The following PRDM16 variants were observed in gnomAD, a reference collection of about 807,000 sequenced individuals.
PRDM16 encodes the protein PR/SET domain 16.
Under a neutral mutation model 110.6 loss-of-function variants are expected in PRDM16, and 23 were observed. The ratio of observed to expected loss-of-function variants is 0.21; its 90% CI spans 0.15 to 0.29. PRDM16 has a LOEUF of 0.29. Ranked by LOEUF, PRDM16 falls within the 10% of genes least tolerant of loss-of-function variation. The pLI is 1.00. For missense variants in PRDM16, 1,615 were observed against 1,794.3 expected (o/e 0.90, Z 1.81); for synonymous variants, 799 against 781.8 (o/e 1.02, Z -0.37).
chr1:3,095,561 C>T (rs775503466), intron 1 of PRDM16, among the ~76,000 whole-genome samples: 1 of 152,140 alleles, frequency 6.6e-6, no homozygotes, highest in African/African-American at 2.4e-5. Flanking sequence ...CTGGTCCTCC[C>T]TAGTGCCCCC....
chr1:3,301,765 A>T (rs2455136), intron 3 of PRDM16, among the ~76,000 whole-genome samples: 103,735 of 152,142 alleles, frequency 0.68, 36,779 homozygotes, highest in East Asian at 0.99. Context: ...TCCAGGGTGT[A>T]CCCAGGCACA....
At chr1:3,396,675 C>T (rs1309411969) in intron 5 of PRDM16, 82 bp downstream of exon 5, 3 of 635,606 alleles carry the variant, frequency 4.7e-6, no homozygotes, top group East Asian at 2.7e-5. Context: ...CTGGGAGGAC[C>T]GAGGGCCTCT....
Position 3,435,481 on chromosome 1 carries a change from G to A in PRDM16, c.*1670G>A, listed in dbSNP as rs922234332. ...AATCATATGTTTTTGTTAAATTTGCGTTTCAGTTACATTTGCATTTAAGAC... is the reference window on the plus strand; with the variant it reads ...AATCATATGTTTTTGTTAAATTTGCATTTCAGTTACATTTGCATTTAAGAC... On this transcript the variant is annotated 3_prime_UTR_variant, in exon 17 of 17. Coordinates refer to ENST00000270722, the MANE Select transcript of PRDM16 (RefSeq NM_022114.4). The A allele has an allele frequency of 8.7e-6, 2 of 230,076 alleles. No individual in the cohort carries two copies. The highest frequency in any genetic ancestry group is 6.2e-5 in the East Asian group (1 of 16,216). The allele number at this position is 230,076 out of a possible 1,614,324, so 14.3% of individuals were successfully genotyped here.
intron 3 of PRDM16, among the ~76,000 whole-genome samples, chr1:3,267,582 C>T (rs1272664823): frequency 2.0e-5 from 3 of 152,212 alleles, no homozygotes; most frequent in Non-Finnish European, 1.5e-5. Flanking sequence ...GACTGTTTAC[C>T]ACAGTGGCTA....
rs1043014719 is a variant in PRDM16, at chr1:3,080,077, G to A, written c.37+10781G>A. Among the ~76,000 whole-genome samples the A allele has an allele frequency of 3.9e-5, 6 of 152,228 alleles. No individual in the cohort carries two copies. The highest frequency in any genetic ancestry group is 8.8e-5 in the Non-Finnish European group (6 of 68,040). On this transcript the variant is annotated intron_variant, in intron 1 of 16. Coordinates refer to ENST00000270722, the MANE Select transcript of PRDM16 (RefSeq NM_022114.4). The surrounding 1 kb of genome is among the most constrained non-coding windows in gnomAD (Gnocchi z 5.2). ...GGTGGAGAGGCGGCAGCGATCTGGA[G>A]CACTTTTCCGCACGCTGTAACCCCT... is the stretch of plus-strand genomic sequence containing the variant.
rs575326252 is a variant in PRDM16, at chr1:3,312,023, G to A, written c.438+67886G>A. Among the ~76,000 whole-genome samples the A allele has an allele frequency of 2.0e-5, 3 of 152,328 alleles. No homozygotes were observed. The South Asian group carries it at 6.2e-4, about 32-fold the overall frequency. On this transcript the variant is annotated intron_variant, in intron 3 of 16. Coordinates refer to ENST00000270722, the MANE Select transcript of PRDM16 (RefSeq NM_022114.4). ...AAGCTGCTTGAGAAGGCTCTGGAGT[G>A]TCCAGCCCAGGAGTGCGGCTCATGG...
chr1:3,131,535 C>A (rs1643334999), intron 1 of PRDM16, among the ~76,000 whole-genome samples: 1 of 151,618 alleles, frequency 6.6e-6, no homozygotes, highest in South Asian at 2.1e-4. Flanking sequence ...TAAAAAAAAT[C>A]AAGTGGACAT....
intron 1 of PRDM16, among the ~76,000 whole-genome samples, chr1:3,120,511 C>A (rs915820320): frequency 1.3e-5 from 2 of 152,220 alleles, no homozygotes; most frequent in African/African-American, 4.8e-5. Context: ...TTCTTTTTAG[C>A]TACCCCAGAG....
rs1408192904 is a variant in PRDM16, at chr1:3,300,507, A to C, written c.438+56370A>C. ...GGTGGCTCTGCCCTGGTTGAAGATG[A>C]TGTGCTGTGGCCGTGATGTTTCCGA... On this transcript the variant is annotated intron_variant, in intron 3 of 16. Coordinates refer to ENST00000270722, the MANE Select transcript of PRDM16 (RefSeq NM_022114.4). Among the ~76,000 whole-genome samples, 79 of 137,128 alleles carry C rather than the reference A, an allele frequency of 5.8e-4. 1 individual carries two copies. The highest frequency in any genetic ancestry group is 4.8e-3 in the Middle Eastern group (1 of 210). 90.0% of individuals were successfully genotyped at this position (137,128 alleles called of 152,430 possible). A position where few individuals can be genotyped will look rare whatever the true frequency, so the allele number is the denominator to read the frequency against.
At chr1:3,202,051 A>G (rs2100829740) in intron 2 of PRDM16, among the ~76,000 whole-genome samples, 1 of 152,240 alleles carries the variant, frequency 6.6e-6, no homozygotes, top group African/African-American at 2.4e-5. Context: ...TGAGGTTAGG[A>G]GGGCTTTCCA....
chr1:3,344,709 TC>T (rs1258964875), intron 3 of PRDM16, among the ~76,000 whole-genome samples: 3 of 152,256 alleles, frequency 2.0e-5, no homozygotes, highest in Non-Finnish European at 4.4e-5. Context: ...CACTAGGTGC[TC>T]ACCCTGAGTT....
chr1:3,171,320 C>A (rs1416228181), intron 1 of PRDM16, among the ~76,000 whole-genome samples: 1 of 152,234 alleles, frequency 6.6e-6, no homozygotes, highest in Non-Finnish European at 1.5e-5. Flanking sequence ...GCTGTCCGGG[C>A]AGAGCCAGGG....
intron 1 of PRDM16, among the ~76,000 whole-genome samples, chr1:3,139,800 A>G (rs995737014): frequency 6.6e-6 from 1 of 152,248 alleles, no homozygotes; most frequent in African/African-American, 2.4e-5. Flanking sequence ...AAGGAGCTCC[A>G]GGCTGAGAGT....
Position 3,425,710 on chromosome 1 carries a change from G to A in PRDM16, c.3069G>A (p.Leu1023=). The A allele has an allele frequency of 1.2e-6, 2 of 1,613,836 alleles. No homozygotes were observed. Among genetic ancestry groups the A allele is most frequent in the Non-Finnish European group, 1.7e-6 (2 of 1,179,942 alleles). Residue 1023 remains leucine (L), a synonymous_variant, in exon 13 of 17, where the codon CTG becomes CTA. Transcript: ENST00000270722. The surrounding 1 kb of genome is among the most constrained non-coding windows in gnomAD (Gnocchi z 6.9). ...CNRCFGQQTN[L]DRHLKKHEHE... is the part of the protein sequence containing the mutation. ...GCTGCTTCGGGCAGCAGACCAACCT[G>A]GACCGGCACCTCAAGAAGCACGAGC...
chr1:3,418,222 C>A (rs541065773), intron 11 of PRDM16, among the ~76,000 whole-genome samples: 2 of 152,356 alleles, frequency 1.3e-5, no homozygotes, highest in East Asian at 3.9e-4. Flanking sequence ...CAAGAATATG[C>A]AACCTCAGCC....
intron 1 of PRDM16, among the ~76,000 whole-genome samples, chr1:3,160,448 C>T (rs749478936): frequency 3.3e-5 from 5 of 152,170 alleles, no homozygotes; most frequent in Non-Finnish European, 7.4e-5. Context: ...TCCTGGGTGC[C>T]ACCGTGACAT....
At chr1:3,284,205 G>C (rs914228519) in intron 3 of PRDM16, among the ~76,000 whole-genome samples, 2 of 152,216 alleles carry the variant, frequency 1.3e-5, no homozygotes, top group East Asian at 3.9e-4. Context: ...GGTTTGCAAA[G>C]GCAAACCGAC....
At chr1:3,396,915 C>T (rs564250015) in intron 5 of PRDM16, among the ~76,000 whole-genome samples, 2 of 152,292 alleles carry the variant, frequency 1.3e-5, no homozygotes, top group South Asian at 4.1e-4. Context: ...ATGTTAGGGT[C>T]CCAGGTGATT....
At chr1:3,181,293 C>CGCAGTCTTACACACGCAGTCTTACACAA (rs1644170657) in intron 1 of PRDM16, among the ~76,000 whole-genome samples, 1 of 100,626 alleles carries the variant, frequency 9.9e-6, no homozygotes, top group Non-Finnish European at 2.4e-5. Context: ...GTCTTACACA[C>CGCAGTCTTACACACGCAGTCTTACACAA]GCAGTCTTAC....
Sources: allele counts gnomAD v4.1 joint callset (sites outside exome capture counted in the v4.1 genomes callset), GRCh38; gene constraint gnomAD v4.1.1; non-coding constraint Gnocchi (gnomAD v3.1); transcripts MANE v1.5; gene names NCBI Gene and HGNC (gene_info 2026-07-23, HGNC 2026-07-21).